RIT2: variants seen among roughly 807,000 people sequenced by gnomAD.
RIT2 encodes the protein GTP-binding protein Rit2.
Under a neutral mutation model 23.7 loss-of-function variants are expected in RIT2, and 24 were observed. That is an observed-to-expected ratio of 1.01 (90% CI 0.73 to 1.43). RIT2 has a LOEUF of 1.43. RIT2 is among the 40% of genes most tolerant of loss of function. The probability of loss-of-function intolerance (pLI) is 0.00; values close to 1 mark genes in which losing one functional copy is unlikely to be tolerated. For synonymous variants in RIT2, 107 were observed against 91.1 expected, an observed-to-expected ratio of 1.17 and a Z score of -0.99; for missense variants, 236 against 266.9, an observed-to-expected ratio of 0.88 and a Z score of 0.81.
intron 3 of RIT2, among the ~76,000 whole-genome samples, chr18:42,926,411 T>C (rs767699186): frequency 5.3e-5 from 8 of 151,932 alleles, no homozygotes; most frequent in Non-Finnish European, 1.2e-4. Flanking sequence ...AGTAGTTGTC[T>C]TTGAAAAGGG....
chr18:42,931,958 T>G (rs1170095925), intron 3 of RIT2, among the ~76,000 whole-genome samples: 2 of 152,174 alleles, frequency 1.3e-5, no homozygotes, highest in Non-Finnish European at 2.9e-5. Context: ...GTGCTTTCTC[T>G]GAAAAAGCTT....
chr18:42,883,419 C>T (rs1053612017), intron 4 of RIT2, among the ~76,000 whole-genome samples: 9 of 152,126 alleles, frequency 5.9e-5, no homozygotes, highest in Admixed American at 5.2e-4. Flanking sequence ...CAAACATTAT[C>T]ATAATTCATG....
intron 3 of RIT2, among the ~76,000 whole-genome samples, chr18:42,948,416 G>C (rs1295472472): frequency 6.6e-6 from 1 of 152,042 alleles, no homozygotes; most frequent in African/African-American, 2.4e-5. Flanking sequence ...TTATGATTCA[G>C]GGTAATGTAC....
At chr18:43,047,590 A>T (rs1912278259) in intron 1 of RIT2, among the ~76,000 whole-genome samples, 1 of 152,082 alleles carries the variant, frequency 6.6e-6, no homozygotes, top group South Asian at 2.1e-4. Context: ...CATAAAGAGA[A>T]AATCAAGTTA....
intron 4 of RIT2, among the ~76,000 whole-genome samples, chr18:42,835,914 A>G (rs1054183247): frequency 2.0e-5 from 3 of 152,198 alleles, no homozygotes; most frequent in African/African-American, 7.2e-5. Flanking sequence ...ATTATCAATA[A>G]CAATGCATTT....
At chr18:42,841,737 T>C (rs1400399603) in intron 4 of RIT2, among the ~76,000 whole-genome samples, 3 of 152,198 alleles carry the variant, frequency 2.0e-5, no homozygotes, top group Non-Finnish European at 4.4e-5. Flanking sequence ...ATGTTAATGT[T>C]TACTTTTAAT....
intron 1 of RIT2, among the ~76,000 whole-genome samples, chr18:43,104,398 T>C (rs7239388): frequency 0.054 from 8,233 of 152,254 alleles, 274 homozygotes; most frequent in South Asian, 0.13. Flanking sequence ...TAATTTATTG[T>C]GTATTTTCAA....
chr18:43,038,968 T>C (rs1369443477), intron 1 of RIT2, among the ~76,000 whole-genome samples: 1 of 152,162 alleles, frequency 6.6e-6, no homozygotes, highest in Non-Finnish European at 1.5e-5. Flanking sequence ...TTGTCATATA[T>C]TGTTTCTCTT....
intron 2 of RIT2, among the ~76,000 whole-genome samples, chr18:42,988,624 T>C (rs1910770059): frequency 6.6e-6 from 1 of 152,178 alleles, no homozygotes; most frequent in Admixed American, 6.5e-5. Context: ...AACTCCCTAT[T>C]AAAATGCAAT....
At chr18:42,763,933 T>C (rs1320807768) in intron 4 of RIT2, among the ~76,000 whole-genome samples, 4 of 152,168 alleles carry the variant, frequency 2.6e-5, no homozygotes, top group Admixed American at 6.5e-5. Context: ...TACTAAGTGA[T>C]AGGAATTTTT....
intron 4 of RIT2, among the ~76,000 whole-genome samples, chr18:42,905,450 T>G (rs970429516): frequency 1.3e-5 from 2 of 152,186 alleles, no homozygotes; most frequent in Non-Finnish European, 2.9e-5. Flanking sequence ...TACATGCTTT[T>G]TAAGAAGAGA....
At chr18:42,930,521 C>T (rs1598719439) in intron 3 of RIT2, among the ~76,000 whole-genome samples, 1 of 152,016 alleles carries the variant, frequency 6.6e-6, no homozygotes, top group East Asian at 1.9e-4. Flanking sequence ...ACATTGATAC[C>T]ACTGCCTCGC....
chr18:43,040,473 C>T (rs1359033641), intron 1 of RIT2, among the ~76,000 whole-genome samples: 3 of 152,128 alleles, frequency 2.0e-5, no homozygotes, highest in Admixed American at 1.3e-4. Flanking sequence ...GAGTCTTTCC[C>T]AGATCCTCTC....
At chr18:43,072,362 T>C (rs879363090) in intron 1 of RIT2, among the ~76,000 whole-genome samples, 11 of 152,144 alleles carry the variant, frequency 7.2e-5, no homozygotes, top group Non-Finnish European at 1.0e-4. Flanking sequence ...TAAGTCTTTT[T>C]GCGAATCAAT....
At chr18:42,793,954 A>G (rs1017329107) in intron 4 of RIT2, among the ~76,000 whole-genome samples, 2 of 152,020 alleles carry the variant, frequency 1.3e-5, no homozygotes, top group African/African-American at 4.8e-5. Context: ...GCCTTCTCTC[A>G]TATCCAAATC....
intron 1 of RIT2, among the ~76,000 whole-genome samples, chr18:43,084,318 G>T (rs1913229723): frequency 1.3e-5 from 2 of 152,106 alleles, no homozygotes; most frequent in Admixed American, 6.5e-5. Flanking sequence ...ATTGTGGAAG[G>T]TAGTGTGGCG....
At chr18:42,995,724 T>A (rs1483698719) in intron 2 of RIT2, among the ~76,000 whole-genome samples, 1 of 152,200 alleles carries the variant, frequency 6.6e-6, no homozygotes, top group Non-Finnish European at 1.5e-5. Context: ...TTCAGTCCTG[T>A]CCTTGGAATG....
chr18:43,019,641 C>T (rs961871608), intron 2 of RIT2, among the ~76,000 whole-genome samples: 47 of 152,068 alleles, frequency 3.1e-4, no homozygotes, highest in African/African-American at 1.1e-3. Context: ...CAAGGATGCC[C>T]ACTTTCACCA....
chr18:43,088,696 A>G (rs1289129820), intron 1 of RIT2, among the ~76,000 whole-genome samples: 2 of 152,116 alleles, frequency 1.3e-5, no homozygotes, highest in African/African-American at 2.4e-5. Context: ...GGTCTGACAT[A>G]TTTATCATCA....
Sources: gnomAD v4.1 joint callset for allele counts (sites outside exome capture counted in the v4.1 genomes callset) on GRCh38, gnomAD v4.1.1 for gene constraint, MANE v1.5 for transcripts, NCBI Gene and HGNC (gene_info 2026-07-23, HGNC 2026-07-21) for gene names.